The following LARP1B variants were observed in gnomAD, a reference collection of about 807,000 sequenced individuals.
The protein encoded by LARP1B is la-related protein 1B.
A neutral mutation model predicts 114.2 loss-of-function variants in LARP1B; 76 were observed. The ratio of observed to expected loss-of-function variants is 0.67; its 90% CI spans 0.55 to 0.81. The LOEUF is 0.81. Ranked by LOEUF, LARP1B falls within the 30% of genes least tolerant of loss-of-function variation. The probability of loss-of-function intolerance (pLI) is 0.00; values close to 1 mark genes in which losing one functional copy is unlikely to be tolerated. For synonymous variants in LARP1B, 345 were observed against 348.0 expected (o/e 0.99, Z 0.10); for missense variants, 1,014 against 1,075.8 (o/e 0.94, Z 0.80).
At chr4:128,180,575 T>G (rs907442903) in intron 15 of LARP1B, among the ~76,000 whole-genome samples, 8 of 152,200 alleles carry the variant, frequency 5.3e-5, no homozygotes, top group African/African-American at 1.9e-4. Context: ...ATTTTTCAGT[T>G]TTTTTCCCCA....
chr4:128,062,520 C>T (rs373233229), intron 1 of LARP1B, among the ~76,000 whole-genome samples: 1 of 151,380 alleles, frequency 6.6e-6, no homozygotes, highest in East Asian at 2.0e-4. Flanking sequence ...TGTTTTGTCC[C>T]CAGTGTTAGT....
At chr4:128,109,763 G>A (rs1251572663) in intron 9 of LARP1B, among the ~76,000 whole-genome samples, 1 of 149,644 alleles carries the variant, frequency 6.7e-6, no homozygotes, top group Non-Finnish European at 1.5e-5. Flanking sequence ...ATTTTAAAAA[G>A]TGCCACACAT....
intron 14 of LARP1B, 100 bp from the exon 15 acceptor site, chr4:128,179,306 A>G (rs529894349): frequency 3.0e-6 from 2 of 656,388 alleles, no homozygotes; most frequent in East Asian, 5.7e-5. Flanking sequence ...TATCTACAGT[A>G]TGAAAATGTT....
chr4:128,083,967 G>A (rs1429474754), intron 5 of LARP1B, among the ~76,000 whole-genome samples: 1 of 151,066 alleles, frequency 6.6e-6, no homozygotes, highest in African/African-American at 2.4e-5. Context: ...TGGGCGGAGG[G>A]TCTCCTCACT....
At chr4:128,145,819 T>C (rs1480207271) in intron 11 of LARP1B, among the ~76,000 whole-genome samples, 1 of 152,212 alleles carries the variant, frequency 6.6e-6, no homozygotes, top group Non-Finnish European at 1.5e-5. Flanking sequence ...AGTTGTTTCA[T>C]AGTCATATCA....
rs1189654833 is a variant in LARP1B, at chr4:128,065,249, ATTAATTTCTTTCTTTCTTTCTTTC to A, written c.-78+3851_-78+3874del. Reference sequence around the variant, plus strand: ...ACTGACTCTGCACTGTTCTCCCACAATTAATTTCTTTCTTTCTTTCTTTCTTTCTTTCTTTCTTTCTTTCTTTCT... The same window carrying A: ...ACTGACTCTGCACTGTTCTCCCACAATTTCTTTCTTTCTTTCTTTCTTTCT... On this transcript the variant is annotated intron_variant, in intron 1 of 19. Coordinates refer to ENST00000326639, the MANE Select transcript of LARP1B (RefSeq NM_018078.4). Among the ~76,000 whole-genome samples, 172 of 96,160 alleles carry A rather than the reference ATTAATTTCTTTCTTTCTTTCTTTC, an allele frequency of 1.8e-3. 3 individuals are homozygous for A. In the East Asian group the frequency reaches 0.027, roughly 15 times the overall value. The allele number at this position is 96,160 out of a possible 152,430, so 63.1% of individuals were successfully genotyped here. A position where few individuals can be genotyped will look rare whatever the true frequency, so the allele number is the denominator to read the frequency against.
chr4:128,134,044 A>G (rs2150133037), intron 11 of LARP1B, among the ~76,000 whole-genome samples: 1 of 141,876 alleles, frequency 7.0e-6, no homozygotes, highest in East Asian at 2.0e-4. Context: ...TCTTTTGCCC[A>G]GTCTGGAGTA....
At position 128,066,165 on chromosome 4, in the gene LARP1B, CT is replaced by C. The variant is rs59927866; in HGVS notation, c.-78+4785del. Among the ~76,000 whole-genome samples the C allele has an allele frequency of 1.4e-3, 137 of 99,166 alleles. 1 individual carries two copies. Among genetic ancestry groups the C allele is most frequent in the African/African-American group, 3.1e-3 (81 of 26,010 alleles). 65.1% of individuals were successfully genotyped at this position (99,166 alleles called of 152,430 possible). On this transcript the variant is annotated intron_variant, in intron 1 of 19. Coordinates refer to ENST00000326639, the MANE Select transcript of LARP1B (RefSeq NM_018078.4). Reference sequence around the variant, plus strand: ...CTATTGTCTATTTTCTTTCTTTCTTCTTTTTTTTTTTTTTTTTTTTTGTTAT... The same window carrying C: ...CTATTGTCTATTTTCTTTCTTTCTTCTTTTTTTTTTTTTTTTTTTTGTTAT...
At chr4:128,159,164 C>T (rs562095635) in intron 11 of LARP1B, among the ~76,000 whole-genome samples, 40 of 150,036 alleles carry the variant, frequency 2.7e-4, no homozygotes, top group Admixed American at 8.0e-4. Context: ...CAGAGCAAGA[C>T]CCTGTCTCTA....
chr4:128,190,305 C>CA lies in LARP1B; in HGVS notation c.2004-9127dup, dbSNP rs530109182. On this transcript the variant is annotated intron_variant, in intron 15 of 19. Coordinates refer to ENST00000326639, the MANE Select transcript of LARP1B (RefSeq NM_018078.4). Reference sequence around the variant, plus strand: ...TGGTTTCTGTTGAAAAGTCTCTTGCCAAAAAAATCAGAGCTCTTTTATATG... The same window carrying CA: ...TGGTTTCTGTTGAAAAGTCTCTTGCCAAAAAAAATCAGAGCTCTTTTATATG... Among the ~76,000 whole-genome samples the CA allele has an allele frequency of 1.5e-4, 23 of 152,074 alleles. No individual in the cohort carries two copies. The East Asian group carries it at 4.4e-3, about 29-fold the overall frequency.
intron 7 of LARP1B, among the ~76,000 whole-genome samples, chr4:128,092,040 G>A (rs923171819): frequency 7.2e-5 from 11 of 152,058 alleles, no homozygotes; most frequent in African/African-American, 2.7e-4. Flanking sequence ...TAAGTCTCCT[G>A]GCTTCTATAG....
chr4:128,185,707 T>C (rs141197555), intron 15 of LARP1B, among the ~76,000 whole-genome samples: 1 of 152,292 alleles, frequency 6.6e-6, no homozygotes, highest in Non-Finnish European at 1.5e-5. Context: ...CTCATTAGTC[T>C]ATTTTTGCTT....
In LARP1B at chr4:128,156,435, A is replaced by C. The variant is rs551561859; in HGVS notation, c.1525-5759A>C. Among the ~76,000 whole-genome samples the C allele has an allele frequency of 1.9e-4, 29 of 152,202 alleles. 1 individual carries two copies. The South Asian group carries it at 3.7e-3, about 20-fold the overall frequency. On this transcript the variant is annotated intron_variant, in intron 11 of 19. Transcript: ENST00000326639. ...TCTCTAGCACAATTTGCACTAAATC[A>C]GAGACAAAATATTTCCCATTTCTGC...
At chr4:128,213,756 G>C (rs908240918), downstream of LARP1B, among the ~76,000 whole-genome samples, 1 of 152,190 alleles carries the variant, frequency 6.6e-6, no homozygotes, top group Admixed American at 6.5e-5. Context: ...AGTTGAAGCT[G>C]TCTTTGACAT....
chr4:128,156,704 G>C (rs1282335987), intron 11 of LARP1B, among the ~76,000 whole-genome samples: 1 of 152,050 alleles, frequency 6.6e-6, no homozygotes, highest in Non-Finnish European at 1.5e-5. Flanking sequence ...CTTGGGAGGT[G>C]CCCATGGCTT....
chr4:128,069,700 G>A (rs1289417140), intron 1 of LARP1B: 5 of 365,666 alleles, frequency 1.4e-5, no homozygotes, highest in South Asian at 3.6e-5. Flanking sequence ...TCCCTTACTT[G>A]TATTTATGGT....
intron 7 of LARP1B, among the ~76,000 whole-genome samples, chr4:128,095,833 C>G (rs187078769): frequency 6.6e-6 from 1 of 151,976 alleles, no homozygotes; most frequent in East Asian, 1.9e-4. Flanking sequence ...TGAAAACTTT[C>G]TCTGTGATTT....
chr4:128,195,983 G>A lies in LARP1B; in HGVS notation c.2004-3456G>A, dbSNP rs576967387. On this transcript the variant is annotated intron_variant, in intron 15 of 19. Coordinates refer to ENST00000326639, the MANE Select transcript of LARP1B (RefSeq NM_018078.4). ...ATGAGAATACTGTGGGCTGGGCGTG[G>A]TGGCTCATGCCTGTAATCCCAGCAC... Among the ~76,000 whole-genome samples, 6 of 152,278 alleles carry A rather than the reference G, an allele frequency of 3.9e-5. No homozygotes were observed. In the South Asian group the frequency reaches 1.0e-3, roughly 26 times the overall value.
intron 15 of LARP1B, 124 bp downstream of exon 15, chr4:128,179,636 T>C: frequency 1.8e-6 from 1 of 562,788 alleles, no homozygotes; most frequent in Non-Finnish European, 3.0e-6. Flanking sequence ...GCAATGAAAA[T>C]GGTACAAAGA....
Sources: allele counts gnomAD v4.1 joint callset (sites outside exome capture counted in the v4.1 genomes callset), GRCh38; gene constraint gnomAD v4.1.1; transcripts MANE v1.5; gene names NCBI Gene and HGNC (gene_info 2026-07-23, HGNC 2026-07-21).